The following SMCHD1 variants were observed in gnomAD, a reference collection of about 807,000 sequenced individuals.
SMCHD1 encodes the protein structural maintenance of chromosomes flexible hinge domain-containing protein 1.
A neutral mutation model predicts 254.7 loss-of-function variants in SMCHD1; 78 were observed. That is an observed-to-expected ratio of 0.31 (90% CI 0.26 to 0.37). SMCHD1 has a LOEUF of 0.37. Among genes scored for constraint, SMCHD1 ranks in the 10% least tolerant of loss-of-function variants. The probability of loss-of-function intolerance (pLI) is 1.00; values close to 1 mark genes in which losing one functional copy is unlikely to be tolerated. For synonymous variants in SMCHD1, 766 were observed against 794.9 expected, an observed-to-expected ratio of 0.96 and a Z score of 0.61; for missense variants, 1,840 against 2,408.1, an observed-to-expected ratio of 0.76 and a Z score of 4.94.
chr18:2,734,108 A>G (rs893584180), intron 25 of SMCHD1, among the ~76,000 whole-genome samples: 1 of 152,234 alleles, frequency 6.6e-6, no homozygotes, highest in Admixed American at 6.5e-5. Flanking sequence ...ATTTGGAACA[A>G]TGCTTGTTCT....
chr18:2,696,421 G>A (rs1425193189), intron 8 of SMCHD1, among the ~76,000 whole-genome samples: 2 of 152,164 alleles, frequency 1.3e-5, no homozygotes, highest in African/African-American at 2.4e-5. Flanking sequence ...ACCCTAATGT[G>A]AACTGTGCAT....
At position 2,724,965 on chromosome 18, in the gene SMCHD1, C is replaced by A; in HGVS notation, c.2670C>A (p.Ala890=). 6.3e-7 allele frequency: 1 copy of A among 1,588,490 alleles called. No homozygotes were observed. The change falls in exon 21 of 48, where the codon GCC becomes GCA. Residue 890 remains alanine (A), a synonymous_variant. Coordinates refer to ENST00000320876, the MANE Select transcript of SMCHD1 (RefSeq NM_015295.3). ...ATTGTGTAATTCGAGGTGTTACAGC[C>A]AAGGGCCCTGTAAACTCTTGTCAAG... ...GPNCVIRGVT[A]KGPVNSCQGK... is the part of the protein sequence containing the mutation.
intron 2 of SMCHD1, among the ~76,000 whole-genome samples, 165 bp downstream of exon 2, chr18:2,666,397 T>C (rs1349932382): frequency 1.3e-5 from 2 of 152,204 alleles, no homozygotes; most frequent in African/African-American, 2.4e-5. Context: ...TGCACAGAGG[T>C]TATATTTTTC....
chr18:2,710,785 A>G (rs1034140631), intron 17 of SMCHD1, among the ~76,000 whole-genome samples: 2 of 152,206 alleles, frequency 1.3e-5, no homozygotes, highest in African/African-American at 4.8e-5. Context: ...TTAACAGTTG[A>G]GTACATGCGA....
chr18:2,667,453 T>C (rs1337742526), intron 3 of SMCHD1, among the ~76,000 whole-genome samples: 1 of 152,250 alleles, frequency 6.6e-6, no homozygotes, highest in African/African-American at 2.4e-5. Flanking sequence ...TCTTTCTACC[T>C]TTACTACTTG....
chr18:2,657,626 C>G (rs2073111020), intron 1 of SMCHD1, among the ~76,000 whole-genome samples: 1 of 152,136 alleles, frequency 6.6e-6, no homozygotes, highest in Admixed American at 6.5e-5. Context: ...GTCTTTTCAG[C>G]CTTCCTCCTC....
chr18:2,762,558 A>G (rs2075805321), intron 36 of SMCHD1, among the ~76,000 whole-genome samples: 1 of 149,824 alleles, frequency 6.7e-6, no homozygotes, highest in South Asian at 2.1e-4. Context: ...GCATGGCACA[A>G]TCATAGCTCA....
intron 25 of SMCHD1, among the ~76,000 whole-genome samples, chr18:2,737,777 G>A (rs1401371889): frequency 6.6e-6 from 1 of 151,994 alleles, no homozygotes; most frequent in Non-Finnish European, 1.5e-5. Context: ...AATAAAAGTA[G>A]AGAGAAAGTT....
At chr18:2,790,817 A>G (rs1171370869) in intron 45 of SMCHD1, among the ~76,000 whole-genome samples, 1 of 152,228 alleles carries the variant, frequency 6.6e-6, no homozygotes, top group Admixed American at 6.5e-5. Context: ...TCCCTAGCAT[A>G]AAGAAAAAAT....
Position 2,732,453 on chromosome 18 carries a change from A to G in SMCHD1, c.3237A>G (p.Arg1079=), listed in dbSNP as rs750602228. Residue 1079 remains arginine (R), a synonymous_variant, in exon 25 of 48, where the codon AGA becomes AGG. Coordinates refer to ENST00000320876, the MANE Select transcript of SMCHD1 (RefSeq NM_015295.3). ...TTCAAATGTATGATGAAGGAGAAAG[A>G]GAAATCAATATAACATCAGCTTTAG... ...LIFQMYDEGE[R]EINITSALAE... is the part of the protein sequence containing the mutation. The G allele has an allele frequency of 6.2e-7, 1 of 1,610,074 alleles. No individual in the cohort carries two copies. The highest frequency in any genetic ancestry group is 1.3e-5 in the African/African-American group (1 of 74,848).
At chr18:2,658,937 CATATATAT>C in intron 1 of SMCHD1, among the ~76,000 whole-genome samples, 1 of 144,138 alleles carries the variant, frequency 6.9e-6, no homozygotes, top group South Asian at 2.3e-4. Context: ...CATATATACA[CATATATAT>C]ACACACACAT....
At chr18:2,667,937 T>C (rs1173547794) in intron 3 of SMCHD1, among the ~76,000 whole-genome samples, 1 of 152,162 alleles carries the variant, frequency 6.6e-6, no homozygotes, top group Admixed American at 6.6e-5. Context: ...TGGAGTGCAG[T>C]GGTGTGATCT....
At chr18:2,658,826 G>A (rs541928915) in intron 1 of SMCHD1, among the ~76,000 whole-genome samples, 103 of 150,788 alleles carry the variant, frequency 6.8e-4, no homozygotes, top group African/African-American at 2.4e-3. Flanking sequence ...ACATATATAT[G>A]TGTGTGTGTA....
At chr18:2,733,221 C>T (rs1411797857) in intron 25 of SMCHD1, among the ~76,000 whole-genome samples, 1 of 152,152 alleles carries the variant, frequency 6.6e-6, no homozygotes, top group Non-Finnish European at 1.5e-5. Flanking sequence ...TCCAGAATCA[C>T]TCTGCTGTGC....
chr18:2,725,693 A>G (rs1396870145), intron 21 of SMCHD1, among the ~76,000 whole-genome samples: 2 of 151,854 alleles, frequency 1.3e-5, no homozygotes, highest in South Asian at 2.1e-4. Flanking sequence ...TTCAAGTACT[A>G]TATGCTGCTT....
chr18:2,771,650 T>G, intron 40 of SMCHD1, 32 bp downstream of exon 40: 3 of 1,444,902 alleles, frequency 2.1e-6, no homozygotes, highest in Non-Finnish European at 2.8e-6. Context: ...GAAAGATTTT[T>G]TATTAAAGTC....
intron 47 of SMCHD1, chr18:2,800,577 A>T (rs771153863): frequency 1.3e-5 from 2 of 151,746 alleles, no homozygotes; most frequent in Non-Finnish European, 2.9e-5. Flanking sequence ...GGCTTAAGCT[A>T]CTCTCCTGCC....
At chr18:2,754,901 A>C (rs2075644743) in intron 34 of SMCHD1, among the ~76,000 whole-genome samples, 1 of 151,862 alleles carries the variant, frequency 6.6e-6, no homozygotes, top group East Asian at 1.9e-4. Context: ...TTTGGGAGGC[A>C]GAGGCAGGCA....
At chr18:2,778,109 A>G in intron 43 of SMCHD1, 60 bp from the exon 44 acceptor site, 2 of 1,327,390 alleles carry the variant, frequency 1.5e-6, no homozygotes, top group Non-Finnish European at 2.1e-6. Context: ...TGTGCATTAT[A>G]TTTTAATATG....
Sources: gnomAD v4.1 joint callset for allele counts (sites outside exome capture counted in the v4.1 genomes callset) on GRCh38, gnomAD v4.1.1 for gene constraint, MANE v1.5 for transcripts, NCBI Gene and HGNC (gene_info 2026-07-23, HGNC 2026-07-21) for gene names.